The following FSTL4 variants were observed in gnomAD, a reference collection of about 807,000 sequenced individuals.
FSTL4 encodes the protein follistatin-related protein 4.
In FSTL4, 28 loss-of-function variants were observed where a neutral mutation model predicts 78.2. The ratio of observed to expected loss-of-function variants is 0.36; its 90% CI spans 0.27 to 0.49. The LOEUF is 0.49. Among genes scored for constraint, FSTL4 ranks in the 20% least tolerant of loss-of-function variants. The probability of loss-of-function intolerance (pLI) is 0.98; values close to 1 mark genes in which losing one functional copy is unlikely to be tolerated. For missense variants in FSTL4, 922 were observed against 1,084.9 expected, an observed-to-expected ratio of 0.85 and a Z score of 2.11; for synonymous variants, 422 against 440.5, an observed-to-expected ratio of 0.96 and a Z score of 0.53.
intron 6 of FSTL4, among the ~76,000 whole-genome samples, chr5:133,308,301 T>C (rs1308966497): frequency 1.3e-5 from 2 of 152,222 alleles, no homozygotes; most frequent in Non-Finnish European, 2.9e-5. Flanking sequence ...CATTGCTTGC[T>C]CTCCAAATTC....
At chr5:133,328,515 T>G in intron 4 of FSTL4, among the ~76,000 whole-genome samples, 1 of 152,230 alleles carries the variant, frequency 6.6e-6, no homozygotes, top group East Asian at 1.9e-4. Flanking sequence ...GAGCACTGTA[T>G]GAAAACATGA....
At chr5:133,534,206 T>C (rs980696170) in intron 3 of FSTL4, among the ~76,000 whole-genome samples, 3 of 151,482 alleles carry the variant, frequency 2.0e-5, no homozygotes, top group African/African-American at 4.8e-5. Context: ...TATGAAATAG[T>C]GGAGACTCCA....
the FSTL4 span, among the ~76,000 whole-genome samples, chr5:133,673,003 G>A: frequency 3.3e-5 from 5 of 152,194 alleles, no homozygotes; most frequent in African/African-American, 1.2e-4. Context: ...GGAAAGGCTG[G>A]ACAACTTGAA....
the FSTL4 span, among the ~76,000 whole-genome samples, chr5:133,630,796 G>A: frequency 3.9e-5 from 6 of 152,130 alleles, no homozygotes; most frequent in Admixed American, 6.5e-5. Flanking sequence ...AACTGATATC[G>A]ACCAATGTAA....
the FSTL4 span, among the ~76,000 whole-genome samples, chr5:133,718,392 T>C: frequency 1.3e-5 from 2 of 152,224 alleles, no homozygotes; most frequent in East Asian, 1.9e-4. Context: ...ATTCTTTTCA[T>C]TGTAGCTACT....
chr5:133,268,036 A>T (rs1752683550), intron 6 of FSTL4, among the ~76,000 whole-genome samples: 1 of 152,220 alleles, frequency 6.6e-6, no homozygotes, highest in Non-Finnish European at 1.5e-5. Context: ...TGCCAAAACT[A>T]ATGGGCTCAA....
At chr5:133,773,321 C>T in the FSTL4 span, among the ~76,000 whole-genome samples, 1 of 151,474 alleles carries the variant, frequency 6.6e-6, no homozygotes, top group African/African-American at 2.4e-5. Context: ...GATTTGTCCT[C>T]GATATTTCTT....
At position 133,524,554 on chromosome 5, in the gene FSTL4, C is replaced by T. The variant is rs187330012; in HGVS notation, c.160+42632G>A. On this transcript the variant is annotated intron_variant, in intron 3 of 15. Transcript: ENST00000265342. Reference sequence around the variant, plus strand: ...AGAACAGAGGGCTAAAACAACTTCGCGCAGAGAAGCCTGCTGTAGACAGGG... The same window carrying T: ...AGAACAGAGGGCTAAAACAACTTCGTGCAGAGAAGCCTGCTGTAGACAGGG... 7.2e-5 allele frequency among the ~76,000 whole-genome samples: 11 copies of T among 152,290 alleles called. No homozygotes were observed. The East Asian group carries it at 1.5e-3, about 21-fold the overall frequency.
At chr5:133,237,523 C>T (rs763283268) in intron 7 of FSTL4, among the ~76,000 whole-genome samples, 6 of 152,248 alleles carry the variant, frequency 3.9e-5, no homozygotes, top group South Asian at 2.1e-4. Context: ...ATGGCTCTTC[C>T]GTGAGAACCT....
intron 3 of FSTL4, among the ~76,000 whole-genome samples, chr5:133,443,284 G>A (rs1047367030): frequency 4.6e-5 from 7 of 152,204 alleles, no homozygotes; most frequent in Non-Finnish European, 8.8e-5. Context: ...AGCGGAGCTC[G>A]ATTCCTCTAA....
At chr5:133,710,708 C>A in the FSTL4 span, among the ~76,000 whole-genome samples, 1 of 152,240 alleles carries the variant, frequency 6.6e-6, no homozygotes, top group African/African-American at 2.4e-5. Context: ...CTTGGCTGTG[C>A]AACCTGGTTG....
At chr5:133,765,732 G>A in the FSTL4 span, among the ~76,000 whole-genome samples, 1 of 152,218 alleles carries the variant, frequency 6.6e-6, no homozygotes, top group Non-Finnish European at 1.5e-5. Flanking sequence ...AATGTGGTAG[G>A]GAGGGGTAAA....
intron 5 of FSTL4, among the ~76,000 whole-genome samples, chr5:133,314,871 C>T (rs975088760): frequency 1.1e-4 from 16 of 152,146 alleles, no homozygotes; most frequent in African/African-American, 3.9e-4. Flanking sequence ...TCTATTGAAA[C>T]ACACCATGTG....
At chr5:133,290,526 C>G (rs1581596518) in intron 6 of FSTL4, among the ~76,000 whole-genome samples, 2 of 152,258 alleles carry the variant, frequency 1.3e-5, no homozygotes, top group East Asian at 3.8e-4. Context: ...ACACGGGCGA[C>G]TGGGGCCCCA....
At chr5:133,662,391 T>C in the FSTL4 span, among the ~76,000 whole-genome samples, 1 of 152,210 alleles carries the variant, frequency 6.6e-6, no homozygotes, top group Admixed American at 6.5e-5. Context: ...AGCTAATCAC[T>C]TCTGAGTTTA....
the FSTL4 span, among the ~76,000 whole-genome samples, chr5:133,797,200 G>T: frequency 6.6e-6 from 1 of 152,184 alleles, no homozygotes; most frequent in Non-Finnish European, 1.5e-5. Context: ...TACAGGCAAA[G>T]ACATAAATCA....
intron 3 of FSTL4, among the ~76,000 whole-genome samples, chr5:133,514,547 C>T (rs892652637): frequency 6.6e-6 from 1 of 152,150 alleles, no homozygotes; most frequent in Non-Finnish European, 1.5e-5. Context: ...CCACTACACA[C>T]AGACAATTTC....
At chr5:133,706,342 C>T in the FSTL4 span, among the ~76,000 whole-genome samples, 3 of 152,184 alleles carry the variant, frequency 2.0e-5, no homozygotes, top group African/African-American at 7.2e-5. Context: ...ATGATCAATA[C>T]TGGAAAATTG....
At chr5:133,240,874 C>T (rs975243503) in intron 7 of FSTL4, among the ~76,000 whole-genome samples, 1 of 152,134 alleles carries the variant, frequency 6.6e-6, no homozygotes. Context: ...CTGGCCTTGC[C>T]CTCTTTGGCT....
Sources: allele counts gnomAD v4.1 joint callset (sites outside exome capture counted in the v4.1 genomes callset), GRCh38; gene constraint gnomAD v4.1.1; transcripts MANE v1.5; gene names NCBI Gene and HGNC (gene_info 2026-07-23, HGNC 2026-07-21).